The following LGSN variants were observed in gnomAD, a reference collection of about 807,000 sequenced individuals.
The protein encoded by LGSN is lengsin.
A neutral mutation model predicts 19.5 loss-of-function variants in LGSN; 21 were observed. That is an observed-to-expected ratio of 1.07 (90% CI 0.76 to 1.55). The LOEUF (loss-of-function observed/expected upper bound fraction) is 1.55, where lower values mean the gene tolerates loss of function less well. LGSN is among the 40% of genes most tolerant of loss of function. LGSN has a pLI of 0.00. For missense variants in LGSN, 673 were observed against 608.5 expected (o/e 1.11, Z -1.12); for synonymous variants, 257 against 215.6 (o/e 1.19, Z -1.68).
the LGSN span, among the ~76,000 whole-genome samples, chr6:63,353,600 A>AG: frequency 4.8e-4 from 72 of 149,782 alleles, no homozygotes; most frequent in African/African-American, 1.6e-3. Flanking sequence ...AAAAAAAAAA[A>AG]AAAAAAAGAA....
chr6:63,572,462 G>C, the LGSN span: 1 of 385,336 alleles, frequency 2.6e-6, no homozygotes, highest in Non-Finnish European at 4.6e-6. Context: ...TAAAGGGGAG[G>C]GCTTGTGACG....
At chr6:63,482,086 T>A in the LGSN span, among the ~76,000 whole-genome samples, 1 of 152,220 alleles carries the variant, frequency 6.6e-6, no homozygotes, top group East Asian at 1.9e-4. Context: ...CAGAACTCCA[T>A]CCTTTAAATT....
At chr6:63,437,714 G>T in the LGSN span, among the ~76,000 whole-genome samples, 1 of 151,982 alleles carries the variant, frequency 6.6e-6, no homozygotes, top group Non-Finnish European at 1.5e-5. Flanking sequence ...GGGCGGATTT[G>T]AGGTCAGGAG....
the LGSN span, among the ~76,000 whole-genome samples, chr6:63,326,592 G>A: frequency 6.6e-6 from 1 of 151,612 alleles, no homozygotes; most frequent in Non-Finnish European, 1.5e-5. Flanking sequence ...TGAGCCCTCA[G>A]GCCCCACAGG....
the LGSN span, among the ~76,000 whole-genome samples, chr6:63,328,745 A>G: frequency 6.6e-6 from 1 of 152,198 alleles, no homozygotes; most frequent in African/African-American, 2.4e-5. Flanking sequence ...AGCTTGTACT[A>G]GGACCTGCTT....
the LGSN span, among the ~76,000 whole-genome samples, chr6:63,510,292 C>T: frequency 1.3e-5 from 2 of 152,094 alleles, no homozygotes; most frequent in Non-Finnish European, 2.9e-5. Flanking sequence ...CTCATCTGCA[C>T]TTTAGCCCCA....
At chr6:63,296,275 AT>A (rs1349258666) in intron 1 of LGSN, among the ~76,000 whole-genome samples, 2 of 151,878 alleles carry the variant, frequency 1.3e-5, no homozygotes, top group African/African-American at 4.8e-5. Context: ...ATAACCTTAT[AT>A]TTGGATAATA....
chr6:63,307,557 A>G (rs1212993472), intron 1 of LGSN, among the ~76,000 whole-genome samples: 1 of 152,224 alleles, frequency 6.6e-6, no homozygotes, highest in Non-Finnish European at 1.5e-5. Flanking sequence ...AGAGTGGACC[A>G]TTAAGAGGCT....
At chr6:63,534,454 C>CAT in the LGSN span, among the ~76,000 whole-genome samples, 4 of 129,948 alleles carry the variant, frequency 3.1e-5, no homozygotes, top group African/African-American at 1.3e-4. Flanking sequence ...CACAGAGAAA[C>CAT]ACACACACAC....
At chr6:63,332,538 G>C in the LGSN span, among the ~76,000 whole-genome samples, 1 of 152,158 alleles carries the variant, frequency 6.6e-6, no homozygotes, top group African/African-American at 2.4e-5. Context: ...AGAGGAAGCT[G>C]TTTCTAGGCA....
chr6:63,373,906 G>C, the LGSN span, among the ~76,000 whole-genome samples: 1 of 151,986 alleles, frequency 6.6e-6, no homozygotes, highest in African/African-American at 2.4e-5. Flanking sequence ...CTGCACTCCA[G>C]CCTGGGTAAC....
At chr6:63,375,552 CACTT>C in the LGSN span, among the ~76,000 whole-genome samples, 3 of 151,976 alleles carry the variant, frequency 2.0e-5, no homozygotes, top group Non-Finnish European at 4.4e-5. Flanking sequence ...AATATGAAAA[CACTT>C]ATTTATGTGG....
chr6:63,434,234 T>C, the LGSN span, among the ~76,000 whole-genome samples: 6 of 151,320 alleles, frequency 4.0e-5, no homozygotes, highest in African/African-American at 1.5e-4. Flanking sequence ...AGGTCAGGAG[T>C]CCGAGCCCAG....
At chr6:63,352,472 G>T in the LGSN span, among the ~76,000 whole-genome samples, 1 of 152,006 alleles carries the variant, frequency 6.6e-6, no homozygotes, top group Non-Finnish European at 1.5e-5. Context: ...ACCAGCTCTG[G>T]CAATATAGAG....
At chr6:63,382,728 C>T in the LGSN span, among the ~76,000 whole-genome samples, 1 of 152,178 alleles carries the variant, frequency 6.6e-6, no homozygotes, top group South Asian at 2.1e-4. Flanking sequence ...CTGTTTGGCT[C>T]ACCTTTGATC....
the LGSN span, among the ~76,000 whole-genome samples, chr6:63,362,761 C>T: frequency 6.6e-5 from 10 of 152,340 alleles, no homozygotes; most frequent in African/African-American, 1.7e-4. Context: ...GTAGACTCCA[C>T]CTCTGGGGGC....
the LGSN span, among the ~76,000 whole-genome samples, chr6:63,418,431 C>T: frequency 4.6e-5 from 7 of 152,184 alleles, no homozygotes; most frequent in South Asian, 8.3e-4. Context: ...CGTGTTGGTG[C>T]GCTCCTGTAG....
the LGSN span, among the ~76,000 whole-genome samples, chr6:63,510,303 C>A: frequency 6.6e-6 from 1 of 152,166 alleles, no homozygotes; most frequent in Non-Finnish European, 1.5e-5. Flanking sequence ...TTTAGCCCCA[C>A]TCTGTGCTGT....
the LGSN span, among the ~76,000 whole-genome samples, chr6:63,467,335 G>T: frequency 5.3e-5 from 8 of 151,944 alleles, no homozygotes; most frequent in Non-Finnish European, 1.2e-4. Context: ...AGATCAACAT[G>T]GTTACTATAA....
Sources: gnomAD v4.1 joint callset for allele counts (sites outside exome capture counted in the v4.1 genomes callset) on GRCh38, gnomAD v4.1.1 for gene constraint, MANE v1.5 for transcripts, NCBI Gene and HGNC (gene_info 2026-07-23, HGNC 2026-07-21) for gene names.